Variants in SLC4A4 observed in about 807,000 individuals in gnomAD.
The protein encoded by SLC4A4 is solute carrier family 4 member 4, also known as electrogenic sodium bicarbonate cotransporter 1.
A neutral mutation model predicts 111.5 loss-of-function variants in SLC4A4; 27 were observed. The ratio of observed to expected loss-of-function variants is 0.24; its 90% CI spans 0.18 to 0.33. The LOEUF is 0.33. SLC4A4 is among the 10% of genes least tolerant of loss of function. The probability of loss-of-function intolerance (pLI) is 1.00; values close to 1 mark genes in which losing one functional copy is unlikely to be tolerated. For missense variants in SLC4A4, 909 were observed against 1,315.5 expected, an observed-to-expected ratio of 0.69 and a Z score of 4.78; for synonymous variants, 443 against 463.4, an observed-to-expected ratio of 0.96 and a Z score of 0.57.
intron 14 of SLC4A4, chr4:71,473,252 T>C: frequency 1.6e-6 from 1 of 606,746 alleles, no homozygotes; most frequent in East Asian, 2.7e-5. Context: ...CATGTGTACA[T>C]TATTCTTGAT....
intron 23 of SLC4A4, among the ~76,000 whole-genome samples, chr4:71,563,466 T>C (rs1370197943): frequency 2.6e-5 from 4 of 151,852 alleles, no homozygotes; most frequent in Admixed American, 6.6e-5. Context: ...TGTTTTTGCA[T>C]TGAGATCATT....
At chr4:71,235,322 A>G (rs533901651) in intron 1 of SLC4A4, among the ~76,000 whole-genome samples, 6 of 152,342 alleles carry the variant, frequency 3.9e-5, no homozygotes, top group South Asian at 2.1e-4. Context: ...TATGAATTCA[A>G]TGCACATCCG....
At chr4:71,557,085 A>G (rs761020701) in intron 21 of SLC4A4, among the ~76,000 whole-genome samples, 1 of 151,948 alleles carries the variant, frequency 6.6e-6, no homozygotes, top group Non-Finnish European at 1.5e-5. Flanking sequence ...CCTTAGATTC[A>G]GATGTTGACC....
intron 2 of SLC4A4, among the ~76,000 whole-genome samples, chr4:71,181,778 T>C (rs1210333836): frequency 1.3e-5 from 2 of 152,214 alleles, no homozygotes; most frequent in South Asian, 2.1e-4. Context: ...TCCTCGAACA[T>C]TCCTATCTCA....
Position 71,528,072 on chromosome 4 carries a change from C to T in SLC4A4, c.2167-3990C>T, listed in dbSNP as rs78368578. Among the ~76,000 whole-genome samples the T allele has an allele frequency of 7.7e-3, 1,174 of 152,164 alleles. 20 individuals carry two copies. The highest frequency in any genetic ancestry group is 0.026 in the African/African-American group (1,081 of 41,534). On this transcript the variant is annotated intron_variant, in intron 16 of 25. Transcript: ENST00000264485. ...TGATTTCCAAAATGTCTTCAGAATGCCATAGTATTCTTAGATCAGAACATG... is the reference window on the plus strand; with the variant it reads ...TGATTTCCAAAATGTCTTCAGAATGTCATAGTATTCTTAGATCAGAACATG...
intron 16 of SLC4A4, among the ~76,000 whole-genome samples, chr4:71,508,163 C>G (rs1189304671): frequency 6.6e-6 from 1 of 152,050 alleles, no homozygotes; most frequent in Non-Finnish European, 1.5e-5. Context: ...AAGCTAACAT[C>G]ACAGCTAAAA....
intron 6 of SLC4A4, among the ~76,000 whole-genome samples, chr4:71,370,645 A>T (rs558434493): frequency 6.6e-6 from 1 of 152,370 alleles, no homozygotes; most frequent in South Asian, 2.1e-4. Flanking sequence ...TAAATTAGAA[A>T]TATCTAAAGT....
At chr4:71,320,914 T>C (rs1015493241) in intron 3 of SLC4A4, among the ~76,000 whole-genome samples, 8 of 152,080 alleles carry the variant, frequency 5.3e-5, no homozygotes, top group Admixed American at 5.2e-4. Context: ...TCTTTTGAAA[T>C]GGCACTTACT....
chr4:71,197,488 A>G lies in SLC4A4; in HGVS notation c.-2+10087A>G, dbSNP rs1021998730. 7.2e-5 allele frequency among the ~76,000 whole-genome samples: 11 copies of G among 152,194 alleles called. No individual in the cohort carries two copies. In the South Asian group the frequency reaches 2.3e-3, roughly 32 times the overall value. On this transcript the variant is annotated intron_variant, in intron 1 of 25. Coordinates refer to ENST00000264485, the MANE Select transcript of SLC4A4 (RefSeq NM_001098484.3). The stretch of plus-strand genomic sequence containing the variant: ...ATTGATTATTTGAGATTAAAAATGA[A>G]TTGTTAGCAGTTTTATAAATAACTT...
chr4:71,220,756 G>A (rs1404382872), intron 1 of SLC4A4, among the ~76,000 whole-genome samples: 1 of 151,730 alleles, frequency 6.6e-6, no homozygotes, highest in Non-Finnish European at 1.5e-5. Flanking sequence ...ACATGTGAAG[G>A]TTTGTTACAT....
chr4:71,233,977 C>A (rs1719625901), intron 1 of SLC4A4, among the ~76,000 whole-genome samples: 1 of 152,224 alleles, frequency 6.6e-6, no homozygotes, highest in African/African-American at 2.4e-5. Context: ...AGTTGACCTT[C>A]TAGCCCTGTC....
intron 1 of SLC4A4, among the ~76,000 whole-genome samples, chr4:71,202,207 A>G (rs1185665525): frequency 6.6e-6 from 1 of 152,270 alleles, no homozygotes; most frequent in African/African-American, 2.4e-5. Context: ...CCGTATTTAA[A>G]TTCCATAAAT....
intron 13 of SLC4A4, among the ~76,000 whole-genome samples, chr4:71,472,262 T>A (rs1727945252): frequency 6.6e-6 from 1 of 151,920 alleles, no homozygotes; most frequent in Non-Finnish European, 1.5e-5. Flanking sequence ...TATCGATTTG[T>A]TTCCCTCAGT....
Position 71,203,251 on chromosome 4 carries a change from C to T in SLC4A4, c.-2+15850C>T, listed in dbSNP as rs77234023. ...TACATAAACCCTCTTTTTAGAGAAA[C>T]ATTGTTGAGCTTGATTTAATGGGAA... is the stretch of plus-strand genomic sequence containing the variant. On this transcript the variant is annotated intron_variant, in intron 1 of 25. Transcript: ENST00000264485. Among the ~76,000 whole-genome samples the T allele has an allele frequency of 8.2e-3, 1,254 of 152,180 alleles. 15 individuals are homozygous for T. The highest frequency in any genetic ancestry group is 0.014 in the Middle Eastern group (4 of 294).
intron 20 of SLC4A4, among the ~76,000 whole-genome samples, chr4:71,551,533 T>G (rs971897997): frequency 9.2e-5 from 14 of 151,858 alleles, no homozygotes; most frequent in Admixed American, 6.6e-4. Context: ...ATTGTCTCTC[T>G]TTTACACATA....
intron 7 of SLC4A4, among the ~76,000 whole-genome samples, chr4:71,428,200 A>G (rs978751046): frequency 3.3e-5 from 5 of 152,170 alleles, no homozygotes; most frequent in African/African-American, 2.4e-5. Flanking sequence ...ATTCATAGTC[A>G]GAGAGCATAA....
intron 7 of SLC4A4, among the ~76,000 whole-genome samples, chr4:71,434,043 T>C (rs757252432): frequency 2.6e-5 from 4 of 152,062 alleles, no homozygotes; most frequent in African/African-American, 9.7e-5. Context: ...GAAACAATAC[T>C]ATATCATGTG....
chr4:71,190,367 G>A (rs1362103857), intron 1 of SLC4A4, among the ~76,000 whole-genome samples: 1 of 144,738 alleles, frequency 6.9e-6, no homozygotes, highest in Non-Finnish European at 1.5e-5. Context: ...CCTTTACTCA[G>A]TTCTGTCTAT....
chr4:71,293,099 C>T (rs1353001098), intron 3 of SLC4A4, among the ~76,000 whole-genome samples: 2 of 150,564 alleles, frequency 1.3e-5, no homozygotes, highest in African/African-American at 4.9e-5. Flanking sequence ...CTTCGGCCTC[C>T]CAAAGTGCTG....
Sources: allele counts gnomAD v4.1 joint callset (sites outside exome capture counted in the v4.1 genomes callset), GRCh38; gene constraint gnomAD v4.1.1; transcripts MANE v1.5; gene names NCBI Gene and HGNC (gene_info 2026-07-23, HGNC 2026-07-21).